Variants in CCDC85A observed in about 807,000 individuals in gnomAD.
CCDC85A encodes the protein coiled-coil domain-containing protein 85A.
CCDC85A carries 38 observed loss-of-function variants against 50.2 expected under a neutral mutation model. The ratio of observed to expected loss-of-function variants is 0.76; its 90% CI spans 0.58 to 0.99. CCDC85A has a LOEUF of 0.99. CCDC85A is among the 50% of genes least tolerant of loss of function. The pLI, the probability that CCDC85A is intolerant of heterozygous loss-of-function variation, is 0.00. For synonymous variants in CCDC85A, 366 were observed against 301.4 expected (o/e 1.21, Z -2.22); for missense variants, 820 against 742.0 (o/e 1.11, Z -1.22).
intron 2 of CCDC85A, among the ~76,000 whole-genome samples, chr2:56,340,245 T>A (rs1007560946): frequency 1.3e-5 from 2 of 152,186 alleles, no homozygotes; most frequent in African/African-American, 2.4e-5. Flanking sequence ...AAAAATAGAA[T>A]TGGGTTCATA....
intron 2 of CCDC85A, among the ~76,000 whole-genome samples, chr2:56,234,333 T>C (rs1487079187): frequency 6.6e-6 from 1 of 152,168 alleles, no homozygotes; most frequent in African/African-American, 2.4e-5. Flanking sequence ...AGGGTCTCTT[T>C]GGAGGGCAGG....
chr2:56,377,599 C>T (rs1238644714), intron 5 of CCDC85A, among the ~76,000 whole-genome samples: 1 of 152,124 alleles, frequency 6.6e-6, no homozygotes, highest in East Asian at 1.9e-4. Context: ...AAGAGCTCCT[C>T]AATTTTCTCT....
At chr2:56,235,321 G>C (rs1668957878) in intron 2 of CCDC85A, 1 of 152,132 alleles carries the variant, frequency 6.6e-6, no homozygotes, top group Admixed American at 6.6e-5. Flanking sequence ...AGGGTGGTGT[G>C]ACCGCAGACA....
chr2:56,252,435 C>G (rs1233859029), intron 2 of CCDC85A, among the ~76,000 whole-genome samples: 1 of 152,096 alleles, frequency 6.6e-6, no homozygotes, highest in Non-Finnish European at 1.5e-5. Context: ...AGCTTAGGCT[C>G]TCATGGGGGT....
intron 2 of CCDC85A, among the ~76,000 whole-genome samples, chr2:56,272,943 AAG>A (rs1491103392): frequency 8.1e-5 from 12 of 147,322 alleles, no homozygotes; most frequent in East Asian, 6.4e-4. Context: ...AAATTGGAAA[AAG>A]AAAAAGAGAG....
intron 2 of CCDC85A, among the ~76,000 whole-genome samples, chr2:56,199,575 T>G (rs1254835692): frequency 6.6e-6 from 1 of 152,148 alleles, no homozygotes; most frequent in Non-Finnish European, 1.5e-5. Flanking sequence ...TATTCTTTTT[T>G]TTTTAATCTC....
chr2:56,319,815 C>A (rs1449801263), intron 2 of CCDC85A, among the ~76,000 whole-genome samples: 1 of 152,078 alleles, frequency 6.6e-6, no homozygotes, highest in Non-Finnish European at 1.5e-5. Flanking sequence ...CACAAAGTGA[C>A]TAGGCAGTCA....
At position 56,193,207 on chromosome 2, in the gene CCDC85A, C is replaced by A; in HGVS notation, c.1007C>A (p.Pro336Gln). 6.2e-7 allele frequency: 1 copy of A among 1,613,532 alleles called. No homozygotes were observed. The highest frequency in any genetic ancestry group is 1.1e-5 in the South Asian group (1 of 91,050). Residue 336 changes from proline to glutamine, a missense_variant, in exon 2 of 6, where the codon CCG becomes CAG. By Grantham distance (76) the Pro-to-Gln change is moderately conservative. Coordinates refer to ENST00000407595, the MANE Select transcript of CCDC85A (RefSeq NM_001080433.2). Reference protein sequence around the residue: ...PEHARHSGGSPEHLQKHALGG... With the variant: ...PEHARHSGGSQEHLQKHALGG... ...CACGCCAGGCACAGTGGAGGGAGCC[C>A]GGAGCATCTTCAGAAACACGCTCTT...
intron 2 of CCDC85A, among the ~76,000 whole-genome samples, chr2:56,311,460 T>G (rs7596900): frequency 0.041 from 6,212 of 152,084 alleles, 444 homozygotes; most frequent in African/African-American, 0.14. Flanking sequence ...CATCGTTGTT[T>G]TTTTTTTTAA....
At chr2:56,227,411 A>G (rs1463502797) in intron 2 of CCDC85A, among the ~76,000 whole-genome samples, 3 of 152,190 alleles carry the variant, frequency 2.0e-5, no homozygotes, top group African/African-American at 7.2e-5. Flanking sequence ...AAATGATTTT[A>G]TTAGTTGTGG....
At chr2:56,273,395 G>C (rs890665586) in intron 2 of CCDC85A, among the ~76,000 whole-genome samples, 1 of 151,988 alleles carries the variant, frequency 6.6e-6, no homozygotes, top group African/African-American at 2.4e-5. Flanking sequence ...GTATTCCAAT[G>C]ATGGGAAAAA....
intron 3 of CCDC85A, among the ~76,000 whole-genome samples, chr2:56,355,234 C>A (rs893031259): frequency 6.6e-6 from 1 of 152,190 alleles, no homozygotes; most frequent in Non-Finnish European, 1.5e-5. Context: ...GGGTTCTACC[C>A]TATTCCAGGC....
intron 2 of CCDC85A, among the ~76,000 whole-genome samples, chr2:56,313,132 A>T (rs1237870353): frequency 2.0e-5 from 3 of 152,150 alleles, no homozygotes; most frequent in Non-Finnish European, 4.4e-5. Flanking sequence ...TATTGTCCTG[A>T]ACATTCATGG....
chr2:56,293,806 CAG>C (rs1438932266), intron 2 of CCDC85A, among the ~76,000 whole-genome samples: 1 of 152,120 alleles, frequency 6.6e-6, no homozygotes, highest in African/African-American at 2.4e-5. Context: ...CAAAAAACAA[CAG>C]ATGCTGGTGA....
At chr2:56,199,033 G>A (rs1020575386) in intron 2 of CCDC85A, among the ~76,000 whole-genome samples, 1 of 152,024 alleles carries the variant, frequency 6.6e-6, no homozygotes, top group African/African-American at 2.4e-5. Context: ...ATATCTTCTG[G>A]CTTGTTGCAA....
chr2:56,187,625 A>G (rs1430546573), intron 1 of CCDC85A, among the ~76,000 whole-genome samples: 1 of 152,234 alleles, frequency 6.6e-6, no homozygotes, highest in African/African-American at 2.4e-5. Flanking sequence ...GAAATATACC[A>G]TAGATGAAGA....
intron 2 of CCDC85A, among the ~76,000 whole-genome samples, chr2:56,320,101 A>G (rs1044906707): frequency 1.3e-5 from 2 of 152,158 alleles, no homozygotes; most frequent in Non-Finnish European, 2.9e-5. Flanking sequence ...GAGAACAAAG[A>G]CACAACATAC....
At chr2:56,230,068 G>A (rs1668713347) in intron 2 of CCDC85A, among the ~76,000 whole-genome samples, 2 of 152,076 alleles carry the variant, frequency 1.3e-5, no homozygotes, top group African/African-American at 4.8e-5. Flanking sequence ...TTTGGGCAGG[G>A]GGCAACTCAT....
At chr2:56,377,663 C>T (rs1386899984) in intron 5 of CCDC85A, among the ~76,000 whole-genome samples, 2 of 151,948 alleles carry the variant, frequency 1.3e-5, no homozygotes, top group Non-Finnish European at 2.9e-5. Context: ...CCAAGGTAGG[C>T]GGATCATGAG....
Sources: allele counts gnomAD v4.1 joint callset (sites outside exome capture counted in the v4.1 genomes callset), GRCh38; gene constraint gnomAD v4.1.1; transcripts MANE v1.5; gene names NCBI Gene and HGNC (gene_info 2026-07-23, HGNC 2026-07-21).